GPC3: variants seen among roughly 807,000 people sequenced by gnomAD.
GPC3 encodes the protein glypican 3.
GPC3 carries 3 observed loss-of-function variants against 34.4 expected under a neutral mutation model. The ratio of observed to expected loss-of-function variants is 0.09; its 90% confidence interval spans 0.04 to 0.23. The LOEUF is 0.23. Among genes scored for constraint, GPC3 ranks in the 10% least tolerant of loss-of-function variants. GPC3 has a pLI of 1.00. For missense variants in GPC3, 351 were observed against 445.6 expected, an observed-to-expected ratio of 0.79 and a Z score of 1.91; for synonymous variants, 177 against 174.0, an observed-to-expected ratio of 1.02 and a Z score of -0.13.
chrX:133,708,285 T>C (rs1049538295), intron 3 of GPC3, among the ~76,000 whole-genome samples: 5 of 112,065 alleles, frequency 4.5e-5, no homozygotes, highest in African/African-American at 1.6e-4. Context: ...CATTATCTGG[T>C]TTTTCACTTT....
chrX:133,897,772 C>T (rs1452762468), intron 2 of GPC3, among the ~76,000 whole-genome samples: 1 of 111,224 alleles, frequency 9.0e-6, no homozygotes, highest in Non-Finnish European at 1.9e-5. Flanking sequence ...CCCACCAAGG[C>T]CATATATATC....
chrX:133,788,886 C>G lies in GPC3; in HGVS notation c.338-34710G>C, dbSNP rs376703399. 4.5e-5 allele frequency among the ~76,000 whole-genome samples: 5 copies of G among 110,180 alleles called. No homozygotes were observed. In the East Asian group the frequency reaches 1.4e-3, roughly 32 times the overall value. ...GCTCAGAGAGGAGAACTGAGTTGCC[C>G]AAGGTTACACAGCCTATGAAAGCAG... On this transcript the variant is annotated intron_variant, in intron 2 of 7. Coordinates refer to ENST00000370818, the MANE Select transcript of GPC3 (RefSeq NM_004484.4).
intron 1 of GPC3, among the ~76,000 whole-genome samples, chrX:133,984,401 G>A (rs913257408): frequency 3.5e-5 from 4 of 112,886 alleles, no homozygotes; most frequent in African/African-American, 1.3e-4. Context: ...ATCACGCAGG[G>A]CCATTAATAT....
chrX:133,599,087 T>C (rs754099006), intron 6 of GPC3, among the ~76,000 whole-genome samples: 1 of 112,111 alleles, frequency 8.9e-6, no homozygotes, highest in Non-Finnish European at 1.9e-5. Context: ...GTCTAGCAAG[T>C]ATTTAAGTCT....
intron 6 of GPC3, among the ~76,000 whole-genome samples, chrX:133,635,653 A>G (rs890802525): frequency 9.0e-6 from 1 of 110,783 alleles, no homozygotes; most frequent in Non-Finnish European, 1.9e-5. Flanking sequence ...TGTGCTGAAC[A>G]GACAAAGGAT....
intron 5 of GPC3, among the ~76,000 whole-genome samples, chrX:133,669,765 G>A (rs1475771507): frequency 8.9e-6 from 1 of 112,603 alleles, no homozygotes; most frequent in East Asian, 2.8e-4. Context: ...ACTGAGAGAT[G>A]TTCCTACCTC....
chrX:133,754,094 T>C lies in GPC3; in HGVS notation c.420A>G (p.Gln140=), dbSNP rs2124480838. Residue 140 remains glutamine, a synonymous_variant, in exon 3 of 8, where the codon CAA becomes CAG. Transcript: ENST00000370818. The part of the protein sequence containing the change: ...FKNNYPSLTP[Q]AFEFVGEFFT... The stretch of plus-strand genomic sequence containing the variant: ...AAAATTCACCCACAAACTCAAAAGC[T>C]TGTGGAGTCAGGCTTGGGTAGTTGT... 2 of 1,208,828 alleles carry C rather than the reference T, an allele frequency of 1.7e-6. No individual in the cohort carries two copies. The highest frequency in any genetic ancestry group is 2.2e-6 in the Non-Finnish European group (2 of 893,594).
intron 2 of GPC3, among the ~76,000 whole-genome samples, chrX:133,915,317 G>A (rs1411610238): frequency 9.1e-6 from 1 of 109,912 alleles, no homozygotes; most frequent in African/African-American, 3.3e-5. Context: ...AGGATTACAG[G>A]CACCCACCAC....
intron 2 of GPC3, among the ~76,000 whole-genome samples, chrX:133,755,785 T>C (rs1324327380): frequency 3.6e-5 from 4 of 112,220 alleles, no homozygotes; most frequent in Non-Finnish European, 7.5e-5. Context: ...CTCTATCTTA[T>C]AACAACTCTC....
intron 3 of GPC3, among the ~76,000 whole-genome samples, chrX:133,722,597 T>TA (rs1379523664): frequency 8.9e-6 from 1 of 112,255 alleles, no homozygotes; most frequent in Non-Finnish European, 1.9e-5. Context: ...GCATCATTCC[T>TA]AAAATTGTAC....
chrX:133,549,781 C>T (rs1247155408), intron 7 of GPC3, among the ~76,000 whole-genome samples: 1 of 96,273 alleles, frequency 1.0e-5, no homozygotes, highest in Non-Finnish European at 2.1e-5. Context: ...CCCTCTCTCT[C>T]CCTCCCTCCC....
At chrX:133,928,050 G>C (rs942975195) in intron 2 of GPC3, among the ~76,000 whole-genome samples, 2 of 109,252 alleles carry the variant, frequency 1.8e-5, no homozygotes, top group African/African-American at 6.6e-5. Context: ...TAGATCTTTC[G>C]ACTTGTTCAT....
chrX:133,977,854 A>G (rs749260544), intron 1 of GPC3, among the ~76,000 whole-genome samples: 1 of 111,934 alleles, frequency 8.9e-6, no homozygotes, highest in East Asian at 2.8e-4. Flanking sequence ...AATTAAGAGA[A>G]CTCTCATGAG....
intron 2 of GPC3, among the ~76,000 whole-genome samples, chrX:133,800,472 G>A (rs1340489648): frequency 8.9e-6 from 1 of 112,065 alleles, no homozygotes; most frequent in East Asian, 2.8e-4. Context: ...CTGTTGTAAC[G>A]ATCAAGCATG....
chrX:133,735,526 A>C (rs182700874), intron 3 of GPC3, among the ~76,000 whole-genome samples: 265 of 112,059 alleles, frequency 2.4e-3, no homozygotes, highest in African/African-American at 8.0e-3. Context: ...TCATAGGTAT[A>C]AATCTTTATG....
At chrX:133,786,877 T>A (rs766393607) in intron 2 of GPC3, among the ~76,000 whole-genome samples, 18 of 111,807 alleles carry the variant, frequency 1.6e-4, no homozygotes, top group Non-Finnish European at 3.2e-4. Context: ...GGAGCAAAAT[T>A]CTGTAACACA....
intron 2 of GPC3, among the ~76,000 whole-genome samples, chrX:133,906,718 G>A (rs2076169001): frequency 8.9e-6 from 1 of 112,006 alleles, no homozygotes; most frequent in Admixed American, 9.5e-5. Context: ...CTACCTGCAA[G>A]GCACGTTTTC....
chrX:133,629,458 C>T (rs1211957031), intron 6 of GPC3, among the ~76,000 whole-genome samples: 4 of 111,172 alleles, frequency 3.6e-5, no homozygotes, highest in African/African-American at 1.3e-4. Flanking sequence ...TGCAGTGGCA[C>T]GATCTCAGCT....
chrX:133,605,344 T>C, intron 6 of GPC3, among the ~76,000 whole-genome samples: 1 of 111,862 alleles, frequency 8.9e-6, no homozygotes. Context: ...TACTATTTAT[T>C]ATCTTCACAG....
Sources: allele counts gnomAD v4.1 joint callset (sites outside exome capture counted in the v4.1 genomes callset), GRCh38; gene constraint gnomAD v4.1.1; transcripts MANE v1.5; gene names NCBI Gene and HGNC (gene_info 2026-07-23, HGNC 2026-07-21).